The following EYA2 variants were observed in gnomAD, a reference collection of about 807,000 sequenced individuals.
The protein encoded by EYA2 is protein phosphatase EYA2.
EYA2 carries 31 observed loss-of-function variants against 69.2 expected under a neutral mutation model. The observed-to-expected ratio is 0.45, with a 90% CI of 0.34 to 0.60. The LOEUF (loss-of-function observed/expected upper bound fraction) is 0.60, where lower values mean the gene tolerates loss of function less well. EYA2 is among the 20% of genes least tolerant of loss of function. The pLI is 0.02. For synonymous variants in EYA2, 257 were observed against 279.4 expected, an observed-to-expected ratio of 0.92 and a Z score of 0.80; for missense variants, 622 against 701.2, an observed-to-expected ratio of 0.89 and a Z score of 1.28.
At chr20:47,145,248 C>T (rs1214645411) in intron 10 of EYA2, among the ~76,000 whole-genome samples, 9 of 151,750 alleles carry the variant, frequency 5.9e-5, no homozygotes, top group African/African-American at 1.7e-4. Flanking sequence ...TTGAGGGGGC[C>T]GGTCCAGGGA....
intron 10 of EYA2, among the ~76,000 whole-genome samples, chr20:47,156,127 C>CACACACAT (rs2033938167): frequency 3.4e-4 from 5 of 14,664 alleles, no homozygotes; most frequent in Non-Finnish European, 5.8e-4. Context: ...CACACACACA[C>CACACACAT]ATATATATAT....
At chr20:47,012,029 C>T (rs1401055138) in intron 4 of EYA2, among the ~76,000 whole-genome samples, 1 of 152,180 alleles carries the variant, frequency 6.6e-6, no homozygotes, top group Non-Finnish European at 1.5e-5. Flanking sequence ...TGTCATTCTC[C>T]TCCCACTAGC....
At chr20:46,959,412 T>C (rs1333615246) in intron 1 of EYA2, among the ~76,000 whole-genome samples, 1 of 152,174 alleles carries the variant, frequency 6.6e-6, no homozygotes, top group Non-Finnish European at 1.5e-5. Context: ...CCCTCTGGAA[T>C]TGTGACAATC....
intron 11 of EYA2, among the ~76,000 whole-genome samples, chr20:47,170,591 G>A (rs929465899): frequency 1.7e-4 from 26 of 151,464 alleles, no homozygotes; most frequent in Non-Finnish European, 2.8e-4. Flanking sequence ...AGGTTGCAGC[G>A]AGCCGAGATC....
intron 9 of EYA2, among the ~76,000 whole-genome samples, chr20:47,099,255 GC>G (rs1424130243): frequency 6.6e-6 from 1 of 152,260 alleles, no homozygotes; most frequent in Non-Finnish European, 1.5e-5. Flanking sequence ...TCCCCAAGAA[GC>G]CGCAGAGGGC....
chr20:46,945,382 G>C (rs1978395262), intron 1 of EYA2, among the ~76,000 whole-genome samples: 1 of 152,180 alleles, frequency 6.6e-6, no homozygotes, highest in Non-Finnish European at 1.5e-5. Flanking sequence ...CAAATTCCCT[G>C]TGTTTAACCA....
At chr20:47,076,904 G>A (rs745671299) in intron 7 of EYA2, among the ~76,000 whole-genome samples, 5 of 152,076 alleles carry the variant, frequency 3.3e-5, no homozygotes, top group Non-Finnish European at 7.4e-5. Flanking sequence ...CTCCTTCTTA[G>A]CCATTCCTGC....
At chr20:47,001,616 G>A in intron 3 of EYA2, 143 bp downstream of exon 3, 1 of 843,304 alleles carries the variant, frequency 1.2e-6, no homozygotes, top group Non-Finnish European at 1.9e-6. Context: ...GTGAGCTTGA[G>A]CAAGTCACTC....
At position 46,971,321 on chromosome 20, in the gene EYA2, A is replaced by C. The variant is rs6122543; in HGVS notation, c.-10-18680A>C. On this transcript the variant is annotated intron_variant, in intron 1 of 15. Transcript: ENST00000327619. ...TCATCAGCAGCCCAGATTCCTTTCA[A>C]CTTGTTTCCTCATCCTTAAGGTGCT... Among the ~76,000 whole-genome samples, 3 of 152,064 alleles carry C rather than the reference A, an allele frequency of 2.0e-5. No homozygotes were observed. The East Asian group carries it at 5.8e-4, about 29-fold the overall frequency.
At chr20:47,031,740 A>G (rs1984430262) in intron 5 of EYA2, among the ~76,000 whole-genome samples, 1 of 152,190 alleles carries the variant, frequency 6.6e-6, no homozygotes, top group Non-Finnish European at 1.5e-5. Flanking sequence ...AACTGGGCCC[A>G]CAACCAGGGT....
chr20:47,099,991 G>A (rs1052562450), intron 9 of EYA2, among the ~76,000 whole-genome samples: 43 of 129,290 alleles, frequency 3.3e-4, no homozygotes, highest in African/African-American at 1.1e-3. Context: ...TAAGCTGCAC[G>A]AGGACAGGGA....
chr20:47,167,221 C>T (rs557660065), intron 10 of EYA2, among the ~76,000 whole-genome samples: 1 of 152,050 alleles, frequency 6.6e-6, no homozygotes, highest in Non-Finnish European at 1.5e-5. Flanking sequence ...TCGAACAACA[C>T]ACACGTGTCC....
chr20:47,008,552 C>T (rs2146357357), intron 4 of EYA2, among the ~76,000 whole-genome samples: 1 of 152,340 alleles, frequency 6.6e-6, no homozygotes, highest in African/African-American at 2.4e-5. Flanking sequence ...AAAAATGAAG[C>T]CATATTCTTT....
At chr20:47,124,065 G>A (rs537844542) in intron 9 of EYA2, among the ~76,000 whole-genome samples, 7 of 152,026 alleles carry the variant, frequency 4.6e-5, no homozygotes, top group South Asian at 2.1e-4. Flanking sequence ...GTCCTGATCC[G>A]GGCACTTGCC....
intron 5 of EYA2, among the ~76,000 whole-genome samples, chr20:47,029,523 C>T (rs1984284073): frequency 6.6e-6 from 1 of 152,214 alleles, no homozygotes; most frequent in Admixed American, 6.5e-5. Flanking sequence ...TCAGGTCCTT[C>T]TTCATATTTA....
intron 5 of EYA2, among the ~76,000 whole-genome samples, chr20:47,066,513 C>T (rs1162413328): frequency 1.3e-5 from 2 of 152,094 alleles, no homozygotes; most frequent in Non-Finnish European, 2.9e-5. Flanking sequence ...CTAATGTGGC[C>T]ATTCTAGTCT....
At chr20:47,010,459 C>T (rs1982987662) in intron 4 of EYA2, among the ~76,000 whole-genome samples, 1 of 152,028 alleles carries the variant, frequency 6.6e-6, no homozygotes, top group Non-Finnish European at 1.5e-5. Flanking sequence ...AGCTTCAAAG[C>T]CTCCGGGTGC....
At chr20:46,942,997 C>CT (rs1354436576) in intron 1 of EYA2, among the ~76,000 whole-genome samples, 1 of 152,190 alleles carries the variant, frequency 6.6e-6, no homozygotes. Flanking sequence ...AACTCCTGAC[C>CT]TCAAGTGATC....
At position 46,933,891 on chromosome 20, in the gene EYA2, A is replaced by G. The variant is rs111858271; in HGVS notation, c.-11+38904A>G. On this transcript the variant is annotated intron_variant, in intron 1 of 15. Transcript: ENST00000327619. ...TAGAACAGTGCCTGGCACATTGTAT[A>G]TGCTCAATTAAAAAGTGTTGGATGA... 5.6e-3 allele frequency among the ~76,000 whole-genome samples: 847 copies of G among 152,372 alleles called. 14 individuals carry two copies. Among genetic ancestry groups the G allele is most frequent in the African/African-American group, 0.019 (806 of 41,586 alleles).
Sources: allele counts gnomAD v4.1 joint callset (sites outside exome capture counted in the v4.1 genomes callset), GRCh38; gene constraint gnomAD v4.1.1; transcripts MANE v1.5; gene names NCBI Gene and HGNC (gene_info 2026-07-23, HGNC 2026-07-21).